SLC35F4: variants seen among roughly 807,000 people sequenced by gnomAD.
SLC35F4 encodes the protein solute carrier family 35 member F4.
SLC35F4 carries 24 observed loss-of-function variants against 44.2 expected under a neutral mutation model. That is an observed-to-expected ratio of 0.54 (90% CI 0.39 to 0.76). The LOEUF (loss-of-function observed/expected upper bound fraction) is 0.76, where lower values mean the gene tolerates loss of function less well. Among genes scored for constraint, SLC35F4 ranks in the 30% least tolerant of loss-of-function variants. The pLI is 0.00. For missense variants in SLC35F4, 562 were observed against 586.1 expected, an observed-to-expected ratio of 0.96 and a Z score of 0.42; for synonymous variants, 238 against 223.6, an observed-to-expected ratio of 1.06 and a Z score of -0.57.
At chr14:57,594,219 T>C in intron 1 of SLC35F4, 95 bp from the exon 2 acceptor site, 1 of 1,185,598 alleles carries the variant, frequency 8.4e-7, no homozygotes. Flanking sequence ...AAACAGGGTC[T>C]CACTCTGTCA....
intron 1 of SLC35F4, among the ~76,000 whole-genome samples, chr14:57,924,811 T>C (rs948769341): frequency 1.3e-5 from 2 of 152,130 alleles, no homozygotes; most frequent in African/African-American, 4.8e-5. Flanking sequence ...TCCTTTTCTT[T>C]TTGAGATAGG....
chr14:57,939,910 A>G (rs1022595048), intron 1 of SLC35F4, among the ~76,000 whole-genome samples: 14 of 152,340 alleles, frequency 9.2e-5, no homozygotes, highest in Non-Finnish European at 1.8e-4. Flanking sequence ...ATAGAAAGTG[A>G]TGGGTAAATG....
chr14:57,750,573 A>T (rs1414721773), intron 1 of SLC35F4, among the ~76,000 whole-genome samples: 1 of 152,182 alleles, frequency 6.6e-6, no homozygotes, highest in Non-Finnish European at 1.5e-5. Flanking sequence ...TAGCCATTCT[A>T]ACTGGGTTAA....
At chr14:57,709,543 AT>A (rs2075765360) in intron 1 of SLC35F4, among the ~76,000 whole-genome samples, 1 of 152,082 alleles carries the variant, frequency 6.6e-6, no homozygotes, top group South Asian at 2.1e-4. Context: ...TATTTTATAT[AT>A]TTTATTATAC....
chr14:57,904,277 C>A (rs945378895), intron 1 of SLC35F4, among the ~76,000 whole-genome samples: 3 of 152,154 alleles, frequency 2.0e-5, no homozygotes, highest in African/African-American at 7.2e-5. Flanking sequence ...GAAAAAACAA[C>A]AACCAAAACA....
chr14:57,743,897 C>T (rs188336028), intron 1 of SLC35F4, among the ~76,000 whole-genome samples: 64 of 152,256 alleles, frequency 4.2e-4, no homozygotes, highest in Middle Eastern at 6.8e-3. Flanking sequence ...GGGCTTCATC[C>T]CTGGGATGCA....
intron 1 of SLC35F4, among the ~76,000 whole-genome samples, chr14:57,599,564 G>C (rs758992355): frequency 1.3e-5 from 2 of 152,082 alleles, no homozygotes; most frequent in Non-Finnish European, 2.9e-5. Flanking sequence ...ATCTGGGGCC[G>C]GGCACGGTGG....
At chr14:57,746,909 C>A (rs968588293) in intron 1 of SLC35F4, among the ~76,000 whole-genome samples, 1 of 152,100 alleles carries the variant, frequency 6.6e-6, no homozygotes. Context: ...GATTCAAGTC[C>A]ATTAGTAAGG....
chr14:57,747,481 A>C (rs549674454), intron 1 of SLC35F4, among the ~76,000 whole-genome samples: 1 of 152,280 alleles, frequency 6.6e-6, no homozygotes, highest in South Asian at 2.1e-4. Flanking sequence ...GAGTAAAGAA[A>C]AGGGTATGAT....
chr14:57,682,136 C>G (rs145800548), intron 1 of SLC35F4, among the ~76,000 whole-genome samples: 3 of 152,086 alleles, frequency 2.0e-5, no homozygotes, highest in African/African-American at 7.2e-5. Flanking sequence ...CCAGCAATCC[C>G]GTTACTGGGT....
chr14:57,709,716 A>G (rs546385918), intron 1 of SLC35F4, among the ~76,000 whole-genome samples: 2 of 152,270 alleles, frequency 1.3e-5, no homozygotes, highest in South Asian at 4.1e-4. Flanking sequence ...AGAGATGATT[A>G]GATTTCTAAG....
chr14:57,774,448 T>G (rs2077441046), intron 1 of SLC35F4, among the ~76,000 whole-genome samples: 1 of 152,170 alleles, frequency 6.6e-6, no homozygotes, highest in African/African-American at 2.4e-5. Context: ...GAGGGCTTAG[T>G]GTGAGAGCAT....
intron 2 of SLC35F4, among the ~76,000 whole-genome samples, chr14:57,591,257 A>C (rs2070161182): frequency 6.6e-6 from 1 of 152,094 alleles, no homozygotes; most frequent in Non-Finnish European, 1.5e-5. Flanking sequence ...GAGCCAGCTC[A>C]GACAGATACA....
At chr14:57,591,302 G>C (rs566375536) in intron 2 of SLC35F4, among the ~76,000 whole-genome samples, 16 of 152,250 alleles carry the variant, frequency 1.1e-4, no homozygotes, top group African/African-American at 3.9e-4. Flanking sequence ...AGCTGGGGGG[G>C]ATATGATCAG....
intron 4 of SLC35F4, among the ~76,000 whole-genome samples, chr14:57,577,571 T>G (rs1242389823): frequency 6.6e-6 from 1 of 152,176 alleles, no homozygotes; most frequent in Non-Finnish European, 1.5e-5. Flanking sequence ...TCTACCATTC[T>G]AGTCTGGCAT....
chr14:57,836,723 C>T (rs1459995375), intron 1 of SLC35F4, among the ~76,000 whole-genome samples: 1 of 152,036 alleles, frequency 6.6e-6, no homozygotes, highest in African/African-American at 2.4e-5. Context: ...TTCCTTTGTA[C>T]TCCCCTAAGC....
chr14:57,726,856 C>T (rs1015348151), intron 1 of SLC35F4, among the ~76,000 whole-genome samples: 9 of 152,218 alleles, frequency 5.9e-5, no homozygotes, highest in African/African-American at 9.6e-5. Context: ...GAAAGGCAGG[C>T]CCACCCTTAA....
At chr14:57,742,908 G>A (rs1370399055) in intron 1 of SLC35F4, among the ~76,000 whole-genome samples, 2 of 152,134 alleles carry the variant, frequency 1.3e-5, no homozygotes, top group African/African-American at 4.8e-5. Context: ...TAGAACTCAG[G>A]ATAAGAAACT....
At chr14:57,579,282 A>C (rs1281155053) in intron 4 of SLC35F4, 1 of 152,168 alleles carries the variant, frequency 6.6e-6, no homozygotes, top group African/African-American at 2.4e-5. Context: ...TGGAGTCACC[A>C]CTCAACCCAC....
Sources: gnomAD v4.1 joint callset for allele counts (sites outside exome capture counted in the v4.1 genomes callset) on GRCh38, gnomAD v4.1.1 for gene constraint, MANE v1.5 for transcripts, NCBI Gene and HGNC (gene_info 2026-07-23, HGNC 2026-07-21) for gene names.